Variants in ZMPSTE24 observed in about 807,000 individuals in gnomAD.
ZMPSTE24 encodes zinc metallopeptidase STE24.
ZMPSTE24 carries 48 observed loss-of-function variants against 56.7 expected under a neutral mutation model. The observed-to-expected ratio is 0.85, with a 90% confidence interval of 0.67 to 1.08. The LOEUF (loss-of-function observed/expected upper bound fraction) is 1.08, where lower values mean the gene tolerates loss of function less well. Among genes scored for constraint, ZMPSTE24 ranks in the 50% least tolerant of loss-of-function variants. The pLI is 0.00. For synonymous variants in ZMPSTE24, 172 were observed against 195.2 expected, an observed-to-expected ratio of 0.88 and a Z score of 0.99; for missense variants, 503 against 548.7, an observed-to-expected ratio of 0.92 and a Z score of 0.83.
At chr1:40,287,630 G>A (rs1643800320) in intron 8 of ZMPSTE24, among the ~76,000 whole-genome samples, 1 of 149,638 alleles carries the variant, frequency 6.7e-6, no homozygotes, top group Non-Finnish European at 1.5e-5. Context: ...AGCTGAGATC[G>A]CCCCAGTGCA....
At chr1:40,273,701 CT>C (rs139588597) in intron 6 of ZMPSTE24, among the ~76,000 whole-genome samples, 23 of 143,694 alleles carry the variant, frequency 1.6e-4, no homozygotes, top group South Asian at 8.8e-4. Context: ...AATAACTACT[CT>C]TTTTTTTTTA....
rs1205861105 is a variant in ZMPSTE24, at chr1:40,273,516, TAAAA to T, written c.769+1500_769+1503del. On this transcript the variant is annotated intron_variant, in intron 6 of 9. Transcript: ENST00000372759. ...TGGGCAACAAGAGCCAAATTCTGTC[TAAAA>T]AAAAAAAAAAAAAAAAAATATATAT... Among the ~76,000 whole-genome samples the T allele has an allele frequency of 3.9e-3, 41 of 10,578 alleles. 2 individuals are homozygous for T. Among genetic ancestry groups the T allele is most frequent in the South Asian group, 0.029 (6 of 206 alleles). The allele number at this position is 10,578 out of a possible 152,430, so 6.9% of individuals were successfully genotyped here. A position where few individuals can be genotyped will look rare whatever the true frequency, so the allele number is the denominator to read the frequency against.
At chr1:40,282,059 C>T (rs1298173705) in intron 7 of ZMPSTE24, among the ~76,000 whole-genome samples, 1 of 152,094 alleles carries the variant, frequency 6.6e-6, no homozygotes, top group Non-Finnish European at 1.5e-5. Context: ...GAAATGTATA[C>T]TCTGTGCTGA....
intron 1 of ZMPSTE24, 127 bp downstream of exon 1, chr1:40,258,521 G>A (rs1643461897): frequency 5.9e-6 from 9 of 1,536,376 alleles, no homozygotes; most frequent in African/African-American, 1.4e-5. Context: ...TCCCTGCTGA[G>A]TCTCGTAACT....
At chr1:40,266,232 A>G (rs949227382) in intron 2 of ZMPSTE24, among the ~76,000 whole-genome samples, 6 of 152,210 alleles carry the variant, frequency 3.9e-5, no homozygotes, top group African/African-American at 1.4e-4. Flanking sequence ...GATAGTACCA[A>G]AACCCCTCAA....
chr1:40,277,776 C>T (rs1643684883), intron 6 of ZMPSTE24, among the ~76,000 whole-genome samples: 1 of 151,768 alleles, frequency 6.6e-6, no homozygotes, highest in African/African-American at 2.4e-5. Flanking sequence ...CGAGACCAGC[C>T]TGGCCAACAT....
chr1:40,271,778 C>G (rs1643616328), intron 5 of ZMPSTE24, 116 bp from the exon 6 acceptor site: 1 of 1,158,888 alleles, frequency 8.6e-7, no homozygotes, highest in African/African-American at 1.6e-5. Flanking sequence ...CAAGTAAGTT[C>G]CTTGTTCTCA....
chr1:40,278,557 C>CAAA lies in ZMPSTE24; in HGVS notation c.770-2759_770-2757dup, dbSNP rs397979953. Among the ~76,000 whole-genome samples the CAAA allele has an allele frequency of 2.3e-3, 44 of 19,554 alleles. 2 individuals are homozygous for CAAA. Among genetic ancestry groups the CAAA allele is most frequent in the South Asian group, 4.6e-3 (2 of 436 alleles). 12.8% of individuals were successfully genotyped at this position (19,554 alleles called of 152,430 possible). ...TGGGCGACAGAGTGAGACTCCGTCT[C>CAAA]AAAAAAAAAAAAAAAAAAAAAAAAA... On this transcript the variant is annotated intron_variant, in intron 6 of 9. Coordinates refer to ENST00000372759, the MANE Select transcript of ZMPSTE24 (RefSeq NM_005857.5).
intron 7 of ZMPSTE24, among the ~76,000 whole-genome samples, chr1:40,283,640 A>T (rs2124591684): frequency 6.6e-6 from 1 of 152,234 alleles, no homozygotes; most frequent in African/African-American, 2.4e-5. Context: ...ATCTGTTTTC[A>T]TCTACCATGT....
At chr1:40,285,291 G>T (rs1643774786) in intron 7 of ZMPSTE24, among the ~76,000 whole-genome samples, 1 of 152,044 alleles carries the variant, frequency 6.6e-6, no homozygotes, top group Non-Finnish European at 1.5e-5. Flanking sequence ...TATTTTGGTA[G>T]AGACAGGGTT....
chr1:40,279,624 G>A (rs1371285669), intron 6 of ZMPSTE24, among the ~76,000 whole-genome samples: 2 of 152,202 alleles, frequency 1.3e-5, no homozygotes, highest in Non-Finnish European at 2.9e-5. Context: ...TCAGGTGAAT[G>A]TGGCAGATCA....
At chr1:40,275,841 A>G (rs1643665593) in intron 6 of ZMPSTE24, among the ~76,000 whole-genome samples, 1 of 151,930 alleles carries the variant, frequency 6.6e-6, no homozygotes, top group African/African-American at 2.4e-5. Flanking sequence ...ATGGGCTGTT[A>G]CATAGGAAGG....
intron 6 of ZMPSTE24, among the ~76,000 whole-genome samples, chr1:40,273,290 G>T (rs1237516960): frequency 6.6e-6 from 1 of 152,022 alleles, no homozygotes; most frequent in Non-Finnish European, 1.5e-5. Context: ...GGCCAAGGCA[G>T]GCGGATCACC....
In ZMPSTE24 at chr1:40,281,351, C is replaced by T. The variant is rs1439651259; in HGVS notation, c.778C>T (p.Arg260Cys). ...AACTGTCTTTTCCTTAGGATCTAAA[C>T]GCTCTTCCCACAGCAATGCTTATTT... ...TKVYVVEGSK[R>C]SSHSNAYFYG... The change falls in exon 7 of 10, where the codon CGC (arginine) becomes TGC (cysteine). Residue 260 changes from arginine (R) to cysteine (C), a missense_variant. Physicochemically the swap from Arg to Cys is radical, Grantham distance 180. Transcript: ENST00000372759. 8.1e-6 allele frequency: 13 copies of T among 1,613,902 alleles called. No homozygotes were observed. Among genetic ancestry groups the T allele is most frequent in the East Asian group, 2.2e-5 (1 of 44,860 alleles).
chr1:40,274,993 A>G (rs1643653871), intron 6 of ZMPSTE24, among the ~76,000 whole-genome samples: 2 of 152,086 alleles, frequency 1.3e-5, no homozygotes, highest in African/African-American at 4.8e-5. Context: ...AAATAGGAGA[A>G]GAGTAGGTTT....
Position 40,260,964 on chromosome 1 carries a change from C to G in ZMPSTE24, c.249C>G (p.Leu83=). The change falls in exon 2 of 10, where the codon CTC becomes CTG. Residue 83 remains leucine (L), a synonymous_variant. Transcript: ENST00000372759. ...GCACTTTCAGCTTCTGGTCAGGACT[C>G]TATTCAGAGACTGAAGGCACTGTGA... is the stretch of plus-strand genomic sequence containing the variant. ...DKSTFSFWSG[L]YSETEGTLIL... 6.2e-7 allele frequency: 1 copy of G among 1,614,152 alleles called. No individual in the cohort carries two copies. Among genetic ancestry groups the G allele is most frequent in the South Asian group, 1.1e-5 (1 of 91,082 alleles).
chr1:40,262,077 A>G (rs892161779), intron 2 of ZMPSTE24, among the ~76,000 whole-genome samples: 11 of 152,172 alleles, frequency 7.2e-5, no homozygotes, highest in Admixed American at 3.3e-4. Context: ...TACTAGTACC[A>G]CTAAGAGAAA....
chr1:40,272,920 G>T (rs1485118465), intron 6 of ZMPSTE24, among the ~76,000 whole-genome samples: 1 of 152,126 alleles, frequency 6.6e-6, no homozygotes, highest in East Asian at 1.9e-4. Context: ...TTTTAGCTTT[G>T]CGGGCCACTT....
At chr1:40,288,006 C>T (rs1210808776) in intron 8 of ZMPSTE24, among the ~76,000 whole-genome samples, 1 of 151,974 alleles carries the variant, frequency 6.6e-6, no homozygotes, top group Non-Finnish European at 1.5e-5. Flanking sequence ...GCGAGACCCC[C>T]TTCTCTCCAA....
Sources: gnomAD v4.1 joint callset for allele counts (sites outside exome capture counted in the v4.1 genomes callset) on GRCh38, gnomAD v4.1.1 for gene constraint, MANE v1.5 for transcripts, NCBI Gene and HGNC (gene_info 2026-07-23, HGNC 2026-07-21) for gene names.